CACNA1E: variants seen among roughly 807,000 people sequenced by gnomAD.
CACNA1E encodes calcium voltage-gated channel subunit alpha1 E.
CACNA1E carries 40 observed loss-of-function variants against 259.2 expected under a neutral mutation model. That is an observed-to-expected ratio of 0.15 (90% confidence interval 0.12 to 0.20). The LOEUF is 0.20. CACNA1E is among the 10% of genes least tolerant of loss of function. The pLI, the probability that CACNA1E is intolerant of heterozygous loss-of-function variation, is 1.00. For missense variants in CACNA1E, 1,874 were observed against 3,040.1 expected (o/e 0.62, Z 9.02); for synonymous variants, 1,104 against 1,138.5 (o/e 0.97, Z 0.61).
rs915291484 is a variant in CACNA1E, at chr1:181,758,028, G to T, written c.4411G>T (p.Val1471Leu). The T allele has an allele frequency of 1.2e-6, 2 of 1,613,802 alleles. No individual in the cohort carries two copies. Among genetic ancestry groups the T allele is most frequent in the Non-Finnish European group, 1.7e-6 (2 of 1,179,842 alleles). ...GAACAGACACACCTTCCAGTACCGCGTGTGGCACTTTGTGGTGTCTCCGTC... is the reference window on the plus strand; with the variant it reads ...GAACAGACACACCTTCCAGTACCGCTTGTGGCACTTTGTGGTGTCTCCGTC... ...PQNRHTFQYR[V>L]WHFVVSPSFE... The change falls in exon 31 of 48, where the codon GTG becomes TTG. Residue 1471 changes from valine (V) to leucine (L), a missense_variant. Coordinates refer to ENST00000367573, the MANE Select transcript of CACNA1E (RefSeq NM_001205293.3). The surrounding 1 kb of genome is among the most constrained non-coding windows in gnomAD (Gnocchi z 4.2).
chr1:181,796,222 A>T (rs1661792471), intron 46 of CACNA1E, among the ~76,000 whole-genome samples: 1 of 152,072 alleles, frequency 6.6e-6, no homozygotes, highest in African/African-American at 2.4e-5. Context: ...CTTTTGACAT[A>T]CCTGGAGAAG....
intron 1 of CACNA1E, among the ~76,000 whole-genome samples, chr1:181,326,809 A>T (rs562714883): frequency 6.6e-6 from 1 of 152,146 alleles, no homozygotes; most frequent in East Asian, 1.9e-4. Flanking sequence ...CTCCTCTCAC[A>T]TGGCCTCTTT....
At chr1:181,410,909 A>T (rs1248174972) in intron 1 of CACNA1E, among the ~76,000 whole-genome samples, 5 of 152,128 alleles carry the variant, frequency 3.3e-5, no homozygotes, top group Admixed American at 3.3e-4. Flanking sequence ...GGGGTGGGAG[A>T]TGGTGTCTGG....
intron 1 of CACNA1E, among the ~76,000 whole-genome samples, chr1:181,505,307 G>A (rs1245471841): frequency 2.0e-5 from 3 of 152,150 alleles, no homozygotes; most frequent in Non-Finnish European, 4.4e-5. Flanking sequence ...CCCTGCTACC[G>A]AGAGAAGACT....
At position 181,348,730 on chromosome 1, in the gene CACNA1E, C is replaced by G. The variant is rs74127743; in HGVS notation, c.-15+30607C>G. Among the ~76,000 whole-genome samples the G allele has an allele frequency of 1.3e-3, 197 of 152,312 alleles. 1 individual carries two copies. The highest frequency in any genetic ancestry group is 4.3e-3 in the African/African-American group (180 of 41,548). ...TCCTTTCTCCTCTTAAATGCTCCAGCCTTGAAAGCCATATTCTGCTTTCAG... is the reference window on the plus strand; with the variant it reads ...TCCTTTCTCCTCTTAAATGCTCCAGGCTTGAAAGCCATATTCTGCTTTCAG... On this transcript the variant is annotated intron_variant, in intron 1 of 11. Coordinates refer to the CACNA1E transcript ENST00000524607.
chr1:181,542,707 C>T (rs984545906), intron 3 of CACNA1E, among the ~76,000 whole-genome samples: 3 of 151,962 alleles, frequency 2.0e-5, no homozygotes, highest in Admixed American at 2.0e-4. Flanking sequence ...AGTTAAAACT[C>T]TTTCCCTTAT....
intron 6 of CACNA1E, among the ~76,000 whole-genome samples, chr1:181,585,579 T>A (rs761571211): frequency 2.0e-5 from 3 of 151,616 alleles, no homozygotes; most frequent in Non-Finnish European, 4.4e-5. Context: ...AGAAAAAAAA[T>A]GTGGGGAAAA....
In CACNA1E at chr1:181,691,971, T is replaced by G. The variant is rs560049260; in HGVS notation, c.1056-18983T>G. 4.6e-5 allele frequency among the ~76,000 whole-genome samples: 7 copies of G among 152,296 alleles called. No homozygotes were observed. The South Asian group carries it at 1.4e-3, about 32-fold the overall frequency. ...ACTGATGAACAACTTCAGTGAAGTTTCAGGATACAAAATCCATATAAAATT... is the reference window on the plus strand; with the variant it reads ...ACTGATGAACAACTTCAGTGAAGTTGCAGGATACAAAATCCATATAAAATT... On this transcript the variant is annotated intron_variant, in intron 7 of 47. Coordinates refer to ENST00000367573, the MANE Select transcript of CACNA1E (RefSeq NM_001205293.3).
At chr1:181,736,759 C>T (rs1173853001) in intron 22 of CACNA1E, among the ~76,000 whole-genome samples, 1 of 152,142 alleles carries the variant, frequency 6.6e-6, no homozygotes, top group Non-Finnish European at 1.5e-5. Context: ...GAGATTTTGC[C>T]ACCAAATATT....
intron 6 of CACNA1E, among the ~76,000 whole-genome samples, chr1:181,623,762 T>C (rs1290730736): frequency 6.6e-6 from 1 of 152,222 alleles, no homozygotes; most frequent in Non-Finnish European, 1.5e-5. Context: ...AATATATTGC[T>C]AACAATCATC....
intron 44 of CACNA1E, among the ~76,000 whole-genome samples, chr1:181,791,422 G>A (rs542935276): frequency 5.3e-5 from 8 of 152,326 alleles, no homozygotes; most frequent in South Asian, 2.1e-4. Context: ...GCAATGAGCC[G>A]AGATGGCGCT....
intron 1 of CACNA1E, among the ~76,000 whole-genome samples, chr1:181,341,903 T>C (rs1652181109): frequency 6.6e-6 from 1 of 152,070 alleles, no homozygotes; most frequent in Non-Finnish European, 1.5e-5. Context: ...AATGCAGCAG[T>C]GAACAAGATA....
intron 1 of CACNA1E, among the ~76,000 whole-genome samples, chr1:181,386,785 C>T (rs1381309240): frequency 6.6e-6 from 1 of 152,154 alleles, no homozygotes; most frequent in Non-Finnish European, 1.5e-5. Context: ...CCATGTAGGC[C>T]CTTCTGCAAC....
At chr1:181,370,614 GT>G (rs1417849164) in intron 1 of CACNA1E, among the ~76,000 whole-genome samples, 4 of 151,922 alleles carry the variant, frequency 2.6e-5, no homozygotes, top group South Asian at 2.1e-4. Context: ...ATGATTTCGT[GT>G]TTTTTTATGG....
chr1:181,725,414 C>T (rs970045096), intron 17 of CACNA1E, among the ~76,000 whole-genome samples: 2 of 152,182 alleles, frequency 1.3e-5, no homozygotes, highest in African/African-American at 2.4e-5. Flanking sequence ...GCATTGTGTA[C>T]CTTACAGGAT....
chr1:181,761,122 T>C (rs1198833087), intron 32 of CACNA1E, among the ~76,000 whole-genome samples: 1 of 152,204 alleles, frequency 6.6e-6, no homozygotes, highest in African/African-American at 2.4e-5. Context: ...TACATGTGGC[T>C]TTGTAATAAG....
At chr1:181,725,255 C>T (rs58485236) in intron 17 of CACNA1E, among the ~76,000 whole-genome samples, 3,880 of 152,300 alleles carry the variant, frequency 0.025, 164 homozygotes, top group African/African-American at 0.089. Context: ...GTCTTCTTAT[C>T]TGCATATATG....
chr1:181,529,530 G>T (rs554864449), intron 3 of CACNA1E, among the ~76,000 whole-genome samples: 1 of 152,196 alleles, frequency 6.6e-6, no homozygotes, highest in African/African-American at 2.4e-5. Flanking sequence ...TGGAAAAGCC[G>T]CAGACACTCA....
intron 1 of CACNA1E, among the ~76,000 whole-genome samples, chr1:181,342,939 C>A (rs1008051454): frequency 6.6e-6 from 1 of 152,094 alleles, no homozygotes; most frequent in Non-Finnish European, 1.5e-5. Flanking sequence ...TGCTGTGTGA[C>A]AAATGGGTGG....
Sources: allele counts gnomAD v4.1 joint callset (sites outside exome capture counted in the v4.1 genomes callset), GRCh38; gene constraint gnomAD v4.1.1; non-coding constraint Gnocchi (gnomAD v3.1); transcripts MANE v1.5; gene names NCBI Gene and HGNC (gene_info 2026-07-23, HGNC 2026-07-21).